The following TPCN2 variants were observed in gnomAD, a reference collection of about 807,000 sequenced individuals.
TPCN2 encodes two pore segment channel 2, also known as two pore channel protein 2.
A neutral mutation model predicts 111.4 loss-of-function variants in TPCN2; 92 were observed. The observed-to-expected ratio is 0.83, with a 90% confidence interval of 0.70 to 0.98. The LOEUF (loss-of-function observed/expected upper bound fraction) is 0.98. Among genes scored for constraint, TPCN2 ranks in the 50% least tolerant of loss-of-function variants. The probability of loss-of-function intolerance (pLI) is 0.00; values close to 1 mark genes in which losing one functional copy is unlikely to be tolerated. For synonymous variants in TPCN2, 405 were observed against 414.5 expected (o/e 0.98, Z 0.28); for missense variants, 995 against 980.1 (o/e 1.02, Z -0.20).
At chr11:69,049,656 G>A (rs995912142) in intron 1 of TPCN2, among the ~76,000 whole-genome samples, 5 of 152,012 alleles carry the variant, frequency 3.3e-5, no homozygotes, top group African/African-American at 1.2e-4. Flanking sequence ...GCCTTTCCCC[G>A]TCCCACTTCC....
chr11:69,086,501 G>T, intron 22 of TPCN2, 22 bp from the exon 23 acceptor site: 1 of 1,608,680 alleles, frequency 6.2e-7, no homozygotes, highest in East Asian at 2.2e-5. Flanking sequence ...TGGTTCACAG[G>T]GTGGGTCTCT....
At chr11:69,066,627 A>AT (rs1855284305) in intron 7 of TPCN2, among the ~76,000 whole-genome samples, 1 of 152,218 alleles carries the variant, frequency 6.6e-6, no homozygotes, top group Non-Finnish European at 1.5e-5. Flanking sequence ...AGGTGCCTCC[A>AT]TGCCAGGGCC....
At chr11:69,054,833 C>T in intron 3 of TPCN2, 36 bp downstream of exon 3, 1 of 1,602,278 alleles carries the variant, frequency 6.2e-7, no homozygotes, top group Non-Finnish European at 8.5e-7. Flanking sequence ...AGGGTTCCTG[C>T]CGGCTTGCGT....
At chr11:69,086,669 C>A (rs1368790020) in intron 23 of TPCN2, 65 bp downstream of exon 23, 2 of 1,499,346 alleles carry the variant, frequency 1.3e-6, no homozygotes, top group African/African-American at 1.4e-5. Flanking sequence ...TCTCGATGGG[C>A]CTGAGGCCAC....
intron 7 of TPCN2, among the ~76,000 whole-genome samples, chr11:69,064,298 C>G (rs1855163733): frequency 7.3e-6 from 1 of 137,868 alleles, no homozygotes; most frequent in African/African-American, 2.6e-5. Flanking sequence ...CTCCCTATCC[C>G]CCGCCCCTCC....
At position 69,078,999 on chromosome 11, in the gene TPCN2, G is replaced by T; in HGVS notation, c.1518G>T (p.Gly506=). 3.1e-6 allele frequency: 5 copies of T among 1,612,932 alleles called. No homozygotes were observed. Among genetic ancestry groups the T allele is most frequent in the Non-Finnish European group, 4.2e-6 (5 of 1,179,520 alleles). The change falls in exon 16 of 25, where the codon GGG becomes GGT. Residue 506 remains glycine (G), a synonymous_variant. Transcript: ENST00000294309. Reference sequence around the variant, plus strand: ...CCTACCCCAGCAACGTGTTTGACGGGCTCCTCACCGTTGTCCTGCTGGTAA... The same window carrying T: ...CCTACCCCAGCAACGTGTTTGACGGTCTCCTCACCGTTGTCCTGCTGGTAA... ...YLSYPSNVFD[G]LLTVVLLVLE... is the part of the protein sequence containing the mutation.
At chr11:69,054,897 G>C in intron 3 of TPCN2, 100 bp downstream of exon 3, 1 of 1,233,536 alleles carries the variant, frequency 8.1e-7, no homozygotes, top group Non-Finnish European at 1.2e-6. Flanking sequence ...GGTCCAGGCA[G>C]GCTCCCCACT....
At chr11:69,050,489 C>T (rs539549178) in intron 1 of TPCN2, among the ~76,000 whole-genome samples, 3 of 152,280 alleles carry the variant, frequency 2.0e-5, no homozygotes, top group Non-Finnish European at 4.4e-5. Context: ...GCGATTCTCC[C>T]GCCTCAGCCT....
chr11:69,067,039 A>C (rs73516522), intron 7 of TPCN2, among the ~76,000 whole-genome samples: 1 of 152,110 alleles, frequency 6.6e-6, no homozygotes. Context: ...GTGGGTGGCT[A>C]TGGGCGGCCG....
At chr11:69,057,785 C>CCCG (rs1854839839) in intron 5 of TPCN2, 91 bp downstream of exon 5, 1 of 1,199,558 alleles carries the variant, frequency 8.3e-7, no homozygotes, top group African/African-American at 1.5e-5. Context: ...GAGCCCTGAG[C>CCCG]CCGCCAGCCA....
At chr11:69,062,752 A>G in intron 5 of TPCN2, 132 bp from the exon 6 acceptor site, 2 of 798,038 alleles carry the variant, frequency 2.5e-6, no homozygotes, top group Non-Finnish European at 4.2e-6. Flanking sequence ...CAGGCCCTCC[A>G]CTTTGGGCTC....
At chr11:69,051,085 A>G (rs536020921) in intron 1 of TPCN2, among the ~76,000 whole-genome samples, 11 of 152,278 alleles carry the variant, frequency 7.2e-5, no homozygotes, top group Non-Finnish European at 1.3e-4. Flanking sequence ...CAGGCTTTGA[A>G]ATGAAGGCCC....
rs535466005 is a variant in TPCN2, at chr11:69,088,190, C to T, written c.*237C>T. 5.6e-6 allele frequency: 3 copies of T among 533,170 alleles called. No homozygotes were observed. Among genetic ancestry groups the T allele is most frequent in the Non-Finnish European group, 1.0e-5 (3 of 298,488 alleles). 33.0% of individuals were successfully genotyped at this position (533,170 alleles called of 1,614,324 possible). A position where few individuals can be genotyped will look rare whatever the true frequency, so the allele number is the denominator to read the frequency against. On this transcript the variant is annotated 3_prime_UTR_variant, in exon 25 of 25. Coordinates refer to ENST00000294309, the MANE Select transcript of TPCN2 (RefSeq NM_139075.4). The stretch of plus-strand genomic sequence containing the variant: ...TGCCCTCCGCTTTCTTTTATAGCTG[C>T]TTCAGTGAGAATTCCCTCGTCGACT...
chr11:69,054,888 G>T, intron 3 of TPCN2, 91 bp downstream of exon 3: 2 of 1,331,118 alleles, frequency 1.5e-6, no homozygotes, highest in Non-Finnish European at 2.1e-6. Context: ...TGGTCTCAGG[G>T]TCCAGGCAGG....
rs115200780 is a variant in TPCN2 at position 69,057,924 on chromosome 11, G to A, written c.546+230G>A. ...ACGGGCACAGGGTTCCTCCTGGCTCGCCCTGTTTTTGAGGGCGGACCTGGG... is the reference window on the plus strand; with the variant it reads ...ACGGGCACAGGGTTCCTCCTGGCTCACCCTGTTTTTGAGGGCGGACCTGGG... On this transcript the variant is annotated intron_variant, in intron 5 of 24. Coordinates refer to ENST00000294309, the MANE Select transcript of TPCN2 (RefSeq NM_139075.4). Among the ~76,000 whole-genome samples the A allele has an allele frequency of 4.2e-3, 646 of 152,320 alleles. 6 individuals carry two copies. Among genetic ancestry groups the A allele is most frequent in the African/African-American group, 0.015 (631 of 41,576 alleles).
intron 1 of TPCN2, among the ~76,000 whole-genome samples, chr11:69,053,101 T>G (rs10792012): frequency 6.6e-6 from 1 of 152,178 alleles, no homozygotes; most frequent in Non-Finnish European, 1.5e-5. Flanking sequence ...CTGTGGCAGG[T>G]GAGGGGCTTG....
intron 7 of TPCN2, among the ~76,000 whole-genome samples, chr11:69,066,173 C>T (rs1296778717): frequency 2.0e-5 from 3 of 152,110 alleles, no homozygotes; most frequent in Non-Finnish European, 1.5e-5. Context: ...CATTTGGGAA[C>T]GTGGTGGTTT....
chr11:69,085,343 G>GGGGGGC, intron 20 of TPCN2, 57 bp downstream of exon 20: 5 of 581,866 alleles, frequency 8.6e-6, no homozygotes, highest in East Asian at 4.3e-5. Context: ...GGGTGGGCGG[G>GGGGGGC]AAGCCTTGGC....
chr11:69,072,089 G>T, intron 11 of TPCN2, 66 bp downstream of exon 11: 1 of 1,401,036 alleles, frequency 7.1e-7, no homozygotes, highest in Non-Finnish European at 9.9e-7. Flanking sequence ...GCAGGGGCCG[G>T]GTGTTCATTA....
Sources: gnomAD v4.1 joint callset for allele counts (sites outside exome capture counted in the v4.1 genomes callset) on GRCh38, gnomAD v4.1.1 for gene constraint, MANE v1.5 for transcripts, NCBI Gene and HGNC (gene_info 2026-07-23, HGNC 2026-07-21) for gene names.